Variants in PLXND1 observed in about 807,000 individuals in gnomAD.
PLXND1 encodes the protein plexin D1.
A neutral mutation model predicts 197.7 loss-of-function variants in PLXND1; 54 were observed. That is an observed-to-expected ratio of 0.27 (90% CI 0.22 to 0.34). The LOEUF (loss-of-function observed/expected upper bound fraction) is 0.34. Ranked by LOEUF, PLXND1 falls within the 10% of genes least tolerant of loss-of-function variation. The pLI, the probability that PLXND1 is intolerant of heterozygous loss-of-function variation, is 1.00. For missense variants in PLXND1, 2,127 were observed against 2,699.2 expected (o/e 0.79, Z 4.70); for synonymous variants, 1,180 against 1,161.2 (o/e 1.02, Z -0.33).
In PLXND1 at chr3:129,557,375, G is replaced by A. The variant is rs1415338872; in HGVS notation, c.5446-152C>T. Reference sequence around the variant, plus strand: ...TCTCACCCGGTCACTGAACGTCCCCGCACTCAGCCGGCCCCAGACCAGGGG... The same window carrying A: ...TCTCACCCGGTCACTGAACGTCCCCACACTCAGCCGGCCCCAGACCAGGGG... On this transcript the variant is annotated intron_variant, in intron 33 of 35. Transcript: ENST00000324093. This position sits in a 1 kb window ranked among gnomAD's most constrained non-coding sequence, Gnocchi z 4.8. The A allele has an allele frequency of 2.5e-5, 19 of 768,722 alleles. No homozygotes were observed. Among genetic ancestry groups the A allele is most frequent in the East Asian group, 5.5e-5 (2 of 36,434 alleles). The allele number at this position is 768,722 out of a possible 1,614,324, so 47.6% of individuals were successfully genotyped here.
chr3:129,585,973 G>A lies in PLXND1; in HGVS notation c.1830C>T (p.Ile610=), dbSNP rs143680864. The A allele has an allele frequency of 1.3e-5, 21 of 1,613,940 alleles. 1 individual carries two copies. The highest frequency in any genetic ancestry group is 6.7e-5 in the African/African-American group (5 of 74,940). Residue 610 remains isoleucine (I), a synonymous_variant, in exon 5 of 36, where the codon ATC becomes ATT. Transcript: ENST00000324093. ...TCACTGGGTACTCCTGGCGCACATC[G>A]ATCTCGGAAGGCAGGACGGTCATGG... ...CPAMTVLPSE[I]DVRQEYPGMI...
intron 1 of PLXND1, among the ~76,000 whole-genome samples, chr3:129,602,478 G>A (rs77643021): frequency 0.08 from 12,203 of 152,222 alleles, 526 homozygotes; most frequent in Middle Eastern, 0.15. Flanking sequence ...CTCCCTTTGC[G>A]GCACGCATTG....
rs1200406930 is a variant in PLXND1 at position 129,565,397 on chromosome 3, A to C, written c.4464T>G (p.Ser1488=). 6 of 1,614,028 alleles carry C rather than the reference A, an allele frequency of 3.7e-6. No homozygotes were observed. The highest frequency in any genetic ancestry group is 5.1e-6 in the Non-Finnish European group (6 of 1,180,050). Residue 1488 remains serine, a synonymous_variant, in exon 25 of 36, where the codon TCT becomes TCG. Transcript: ENST00000324093. The part of the protein sequence containing the change: ...NPKLMLRRTE[S]VVEKMLTNWM... ...AGTTGGTGAGCATCTTCTCCACCAC[A>C]GACTCTGTGCGCCGCAGCATGAGCT...
rs748102549 is a variant in PLXND1, at chr3:129,571,568, G to A, written c.3277C>T (p.Arg1093Cys). Residue 1093 changes from arginine to cysteine, a missense_variant, in exon 17 of 36, where the codon CGT (arginine) becomes TGT (cysteine). Around this residue, in one of 6 missense-constraint regions of PLXND1, gnomAD observed 532 missense variants for 811.0 expected, o/e 0.66. Transcript: ENST00000324093. ...GGRTITVAGE[R>C]FHMVQNVSMA... ...GACACATTCTGCACCATGTGGAAAC[G>A]CTCACCAGCCACTGTGATGGTCCTG... The A allele has an allele frequency of 1.4e-5, 23 of 1,613,524 alleles. No homozygotes were observed. Among genetic ancestry groups the A allele is most frequent in the Non-Finnish European group, 1.7e-5 (20 of 1,179,994 alleles).
intron 8 of PLXND1, among the ~76,000 whole-genome samples, chr3:129,581,964 C>T (rs559394512): frequency 5.9e-5 from 9 of 152,334 alleles, no homozygotes; most frequent in Non-Finnish European, 8.8e-5. Flanking sequence ...AAGGAAGAGA[C>T]GTGATTGAGA....
chr3:129,560,379 C>G lies in PLXND1; in HGVS notation c.5084G>C (p.Arg1695Pro), dbSNP rs569306898. 7 of 1,614,002 alleles carry G rather than the reference C, an allele frequency of 4.3e-6. No homozygotes were observed. The South Asian group carries it at 7.7e-5, about 18-fold the overall frequency. Reference sequence around the variant, plus strand: ...GTAGATTTCCGGGAGCACCTTCTTGCGATGGCTCTGCCGGTGAGACTTCTT... The same window carrying G: ...GTAGATTTCCGGGAGCACCTTCTTGGGATGGCTCTGCCGGTGAGACTTCTT... Reference protein sequence around the residue: ...EPKKSHRQSHRKKVLPEIYLT... With the variant: ...EPKKSHRQSHPKKVLPEIYLT... Residue 1695 changes from arginine (R) to proline (P), a missense_variant, in exon 31 of 36, where the codon CGC becomes CCC. By Grantham distance (103) the Arg-to-Pro change is moderately radical (BLOSUM62 -2). This residue lies in a region of PLXND1 where 53 missense variants were observed against 41.4 expected (regional missense o/e 1.28). Coordinates refer to ENST00000324093, the MANE Select transcript of PLXND1 (RefSeq NM_015103.3).
Position 129,606,632 on chromosome 3 carries a change from G to A in PLXND1, c.8C>T (p.Pro3Leu), listed in dbSNP as rs1260240365. The change falls in exon 1 of 36, where the codon CCT (proline) becomes CTT (leucine). Residue 3 changes from proline to leucine, a missense_variant. By Grantham distance (98) the Pro-to-Leu change is moderately conservative. This residue lies in a region of PLXND1 where 245 missense variants were observed against 267.1 expected (regional missense o/e 0.92). Coordinates refer to ENST00000324093, the MANE Select transcript of PLXND1 (RefSeq NM_015103.3). The part of the protein sequence containing the change: MA[P>L]RAAGGAPLSA... Reference sequence around the variant, plus strand: ...AAGGGGTGCGCCGCCCGCGGCGCGAGGAGCCATCCGGGCGTGCGCGGGCTG... The same window carrying A: ...AAGGGGTGCGCCGCCCGCGGCGCGAAGAGCCATCCGGGCGTGCGCGGGCTG... 37 of 1,087,748 alleles carry A rather than the reference G, an allele frequency of 3.4e-5. No individual in the cohort carries two copies. The highest frequency in any genetic ancestry group is 4.0e-4 in the Middle Eastern group (1 of 2,510). The allele number at this position is 1,087,748 out of a possible 1,614,324, so 67.4% of individuals were successfully genotyped here. A position where few individuals can be genotyped will look rare whatever the true frequency, so the allele number is the denominator to read the frequency against.
rs1250235982 is a variant in PLXND1, at chr3:129,572,644, G to T, written c.3042C>A (p.Val1014=). 8 of 1,597,726 alleles carry T rather than the reference G, an allele frequency of 5.0e-6. No homozygotes were observed. The South Asian group carries it at 9.1e-5, about 18-fold the overall frequency. ...TGCAGGGGTCTGTGTCGTTCACCAG[G>T]ACCTGGAGCTCGGAGCCTACATGGA... ...NDLHVGSELQ[V]LVNDTDPCTE... is the part of the protein sequence containing the mutation. Residue 1014 remains valine, a synonymous_variant, in exon 15 of 36, where the codon GTC becomes GTA. Coordinates refer to ENST00000324093, the MANE Select transcript of PLXND1 (RefSeq NM_015103.3).
intron 1 of PLXND1, among the ~76,000 whole-genome samples, chr3:129,603,162 T>G (rs980126106): frequency 1.3e-5 from 2 of 151,922 alleles, no homozygotes; most frequent in South Asian, 4.2e-4. Context: ...AGGAGAAGGG[T>G]GTGGAAAACA....
Position 129,559,535 on chromosome 3 carries a change from C to T in PLXND1, c.5297+85G>A, listed in dbSNP as rs2085025738. ...AGAGGAGGGCTTGACCCCAAGCAGG[C>T]GAGGCCAGAAGACTAGACTCTGAAC... is the stretch of plus-strand genomic sequence containing the variant. On this transcript the variant is annotated intron_variant, in intron 32 of 35. Transcript: ENST00000324093. 2.1e-5 allele frequency: 23 copies of T among 1,102,384 alleles called. 1 individual carries two copies. The South Asian group carries it at 2.7e-4, about 13-fold the overall frequency. The allele number at this position is 1,102,384 out of a possible 1,614,324, so 68.3% of individuals were successfully genotyped here.
intron 1 of PLXND1, among the ~76,000 whole-genome samples, chr3:129,595,338 G>A (rs2085604276): frequency 6.6e-6 from 1 of 152,214 alleles, no homozygotes; most frequent in Admixed American, 6.5e-5. Context: ...CCTGGGAGGG[G>A]GCAGGACGGA....
intron 7 of PLXND1, 34 bp from the exon 8 acceptor site, chr3:129,583,703 C>T (rs1210600365): frequency 2.1e-6 from 3 of 1,406,354 alleles, no homozygotes; most frequent in Non-Finnish European, 3.0e-6. Context: ...ACTCCTGGTT[C>T]CCCACCCCTC....
Position 129,575,555 on chromosome 3 carries a change from G to A in PLXND1, c.2444C>T (p.Thr815Met), listed in dbSNP as rs1335256564. Residue 815 changes from threonine to methionine, a missense_variant, in exon 11 of 36, where the codon ACG becomes ATG. By Grantham distance (81) the Thr-to-Met change is moderately conservative. Around this residue, in one of 6 missense-constraint regions of PLXND1, gnomAD observed 1,095 missense variants for 1,259.8 expected, o/e 0.87. Coordinates refer to ENST00000324093, the MANE Select transcript of PLXND1 (RefSeq NM_015103.3). The part of the protein sequence containing the change: ...VVRCDQVVLH[T>M]TRKSQVFPLS... ...CGGGAACACCTGGCTCTTCCGGGTC[G>A]TGTGCAGCTGCAAAAGGGCAGAAAA... 5 of 1,554,488 alleles carry A rather than the reference G, an allele frequency of 3.2e-6. No individual in the cohort carries two copies. Among genetic ancestry groups the A allele is most frequent in the East Asian group, 2.4e-5 (1 of 41,348 alleles).
At position 129,585,958 on chromosome 3, in the gene PLXND1, C is replaced by T. The variant is rs140092579; in HGVS notation, c.1845G>A (p.Glu615=). 134 of 1,613,942 alleles carry T rather than the reference C, an allele frequency of 8.3e-5. No individual in the cohort carries two copies. Among genetic ancestry groups the T allele is most frequent in the Non-Finnish European group, 1.1e-4 (128 of 1,180,028 alleles). Residue 615 remains glutamate (E), a synonymous_variant, in exon 5 of 36, where the codon GAG becomes GAA. Transcript: ENST00000324093. The part of the protein sequence containing the change: ...VLPSEIDVRQ[E]YPGMILQISG... ...TGCCTCCCCCAGGACTCACTGGGTA[C>T]TCCTGGCGCACATCGATCTCGGAAG...
rs1263024062 is a variant in PLXND1 at position 129,605,653 on chromosome 3, G to C, written c.987C>G (p.Gly329=). 1.3e-6 allele frequency: 2 copies of C among 1,536,188 alleles called. No homozygotes were observed. Among genetic ancestry groups the C allele is most frequent in the Non-Finnish European group, 1.7e-6 (2 of 1,145,140 alleles). Residue 329 remains glycine (G), a synonymous_variant, in exon 1 of 36, where the codon GGC becomes GGG. Coordinates refer to ENST00000324093, the MANE Select transcript of PLXND1 (RefSeq NM_015103.3). ...AGGACTCGGTGAGCTTCTTGGCGTC[G>C]CCGCCGGCGCCGTGGGGCAGGCAGA... ...ARICLPHGAG[G]DAKKLTESYI...
chr3:129,578,816 C>T (rs1560072239), intron 8 of PLXND1, among the ~76,000 whole-genome samples: 2 of 152,206 alleles, frequency 1.3e-5, no homozygotes, highest in African/African-American at 4.8e-5. Context: ...GCTGCACCCA[C>T]TCCCTGAGAT....
chr3:129,557,037 C>G lies in PLXND1; in HGVS notation c.5586+46G>C. ...TGAGGCCCAGCCCCCGACCCCCGAT[C>G]CCTCAGCTCTTCAGGCCCCCATCCC... On this transcript the variant is annotated intron_variant, in intron 34 of 35. Transcript: ENST00000324093. The surrounding 1 kb of genome is among the most constrained non-coding windows in gnomAD (Gnocchi z 4.8). 1.2e-6 allele frequency: 2 copies of G among 1,601,112 alleles called. No individual in the cohort carries two copies. The highest frequency in any genetic ancestry group is 1.7e-6 in the Non-Finnish European group (2 of 1,172,750).
chr3:129,578,578 C>T (rs2085345983), intron 8 of PLXND1, 145 bp from the exon 9 acceptor site: 3 of 600,446 alleles, frequency 5.0e-6, no homozygotes, highest in Admixed American at 3.0e-5. Context: ...CCACCAGCCC[C>T]ACCCCGTGCC....
intron 5 of PLXND1, among the ~76,000 whole-genome samples, chr3:129,585,167 A>G (rs1176894339): frequency 6.6e-6 from 1 of 152,254 alleles, no homozygotes; most frequent in Non-Finnish European, 1.5e-5. Flanking sequence ...CCAATAAATG[A>G]AATGACTGAA....
Sources: gnomAD v4.1 joint callset for allele counts (sites outside exome capture counted in the v4.1 genomes callset) on GRCh38, gnomAD v4.1.1 for gene constraint, gnomAD v4.1.1 regional missense constraint, Gnocchi (gnomAD v3.1) non-coding constraint, MANE v1.5 for transcripts, NCBI Gene and HGNC (gene_info 2026-07-23, HGNC 2026-07-21) for gene names.